MYO5A: variants seen among roughly 807,000 people sequenced by gnomAD.
MYO5A encodes unconventional myosin-Va.
A neutral mutation model predicts 249.7 loss-of-function variants in MYO5A; 98 were observed. That is an observed-to-expected ratio of 0.39 (90% confidence interval 0.33 to 0.46). The LOEUF (loss-of-function observed/expected upper bound fraction) is 0.46, where lower values mean the gene tolerates loss of function less well. Ranked by LOEUF, MYO5A falls within the 20% of genes least tolerant of loss-of-function variation. MYO5A has a pLI of 0.98. For synonymous variants in MYO5A, 778 were observed against 810.6 expected, an observed-to-expected ratio of 0.96 and a Z score of 0.68; for missense variants, 1,696 against 2,308.8, an observed-to-expected ratio of 0.73 and a Z score of 5.44.
chr15:52,343,071 A>T, intron 31 of MYO5A, 46 bp downstream of exon 31: 1 of 1,529,574 alleles, frequency 6.5e-7, no homozygotes, highest in Non-Finnish European at 9.1e-7. Context: ...GTTAGTAAGA[A>T]AAACAACAAA....
intron 34 of MYO5A, chr15:52,331,607 G>A: frequency 1.1e-6 from 1 of 903,012 alleles, no homozygotes; most frequent in Non-Finnish European, 1.3e-6. Context: ...CGAGGTGTCA[G>A]TAGTGCTTCT....
At chr15:52,430,463 C>T (rs2075503003) in intron 2 of MYO5A, among the ~76,000 whole-genome samples, 1 of 152,212 alleles carries the variant, frequency 6.6e-6, no homozygotes, top group Non-Finnish European at 1.5e-5. Context: ...ACATAAACTG[C>T]TCCTCTGGAA....
intron 1 of MYO5A, among the ~76,000 whole-genome samples, chr15:52,502,116 C>CTAAAGGTTTTA (rs1331569671): frequency 6.6e-6 from 1 of 152,068 alleles, no homozygotes; most frequent in East Asian, 1.9e-4. Flanking sequence ...AACCTCGTCT[C>CTAAAGGTTTTA]TACTAAAAAT....
chr15:52,418,253 G>A (rs1270017856), intron 4 of MYO5A, among the ~76,000 whole-genome samples: 2 of 152,176 alleles, frequency 1.3e-5, no homozygotes, highest in Admixed American at 1.3e-4. Context: ...TGGGTACTGG[G>A]TGCTTTGGAG....
chr15:52,351,736 T>C (rs2039964642), intron 27 of MYO5A, among the ~76,000 whole-genome samples: 1 of 152,246 alleles, frequency 6.6e-6, no homozygotes, highest in Non-Finnish European at 1.5e-5. Context: ...TATTCTGGCC[T>C]GCCCAGGGTG....
intron 1 of MYO5A, among the ~76,000 whole-genome samples, chr15:52,486,061 C>T (rs1382986368): frequency 6.6e-6 from 1 of 152,160 alleles, no homozygotes; most frequent in Non-Finnish European, 1.5e-5. Flanking sequence ...AAATCACATT[C>T]CTCTTCTATA....
At chr15:52,373,708 G>C (rs2041250811) in intron 20 of MYO5A, among the ~76,000 whole-genome samples, 1 of 152,112 alleles carries the variant, frequency 6.6e-6, no homozygotes, top group African/African-American at 2.4e-5. Flanking sequence ...TCAAAACCCA[G>C]CTCAGATGTT....
Position 52,416,293 on chromosome 15 carries a change from C to T in MYO5A, c.464G>A (p.Arg155Gln). 8.7e-6 allele frequency: 14 copies of T among 1,613,850 alleles called. No individual in the cohort carries two copies. The highest frequency in any genetic ancestry group is 1.1e-5 in the Non-Finnish European group (13 of 1,179,894). The stretch of plus-strand genomic sequence containing the variant: ...TCCACTTACGATGATGGACTGATTT[C>T]GTTCATCTCTGTAAAATAAAAATTT... ...EAYKQMARDE[R>Q]NQSIIVSGES... Residue 155 changes from arginine (R) to glutamine (Q), a missense_variant, in exon 5 of 42, where the codon CGA becomes CAA. By Grantham distance (43) the Arg-to-Gln change is conservative. Coordinates refer to ENST00000399233, the MANE Select transcript of MYO5A (RefSeq NM_001382347.1).
intron 16 of MYO5A, among the ~76,000 whole-genome samples, chr15:52,381,395 G>A (rs764120040): frequency 1.3e-5 from 2 of 152,134 alleles, no homozygotes; most frequent in Non-Finnish European, 2.9e-5. Context: ...CTGGCACGGG[G>A]GTAGGGAAAA....
intron 1 of MYO5A, among the ~76,000 whole-genome samples, chr15:52,441,893 T>A (rs1486611465): frequency 1.3e-5 from 2 of 152,340 alleles, no homozygotes; most frequent in East Asian, 3.9e-4. Flanking sequence ...AAAACTTTTG[T>A]TATATGAGTG....
At chr15:52,510,271 T>C (rs1471599399) in intron 1 of MYO5A, among the ~76,000 whole-genome samples, 1 of 152,218 alleles carries the variant, frequency 6.6e-6, no homozygotes, top group African/African-American at 2.4e-5. Context: ...AATAAACTAC[T>C]CCATCTATTT....
intron 24 of MYO5A, among the ~76,000 whole-genome samples, chr15:52,362,455 T>C (rs772243460): frequency 2.0e-4 from 30 of 152,238 alleles, no homozygotes; most frequent in Non-Finnish European, 2.4e-4. Context: ...AAGATCAAGT[T>C]TTTTATTCTC....
chr15:52,471,287 T>C (rs2076461558), intron 1 of MYO5A, among the ~76,000 whole-genome samples: 1 of 151,858 alleles, frequency 6.6e-6, no homozygotes, highest in African/African-American at 2.4e-5. Context: ...TTTTCCAGAA[T>C]AGGGCACTTT....
At chr15:52,433,999 C>CTTTTTT (rs398043307) in intron 1 of MYO5A, among the ~76,000 whole-genome samples, 63 of 127,248 alleles carry the variant, frequency 5.0e-4, no homozygotes, top group Admixed American at 5.7e-4. Context: ...CTTTCTTTTT[C>CTTTTTT]TTTTTTTTTT....
At chr15:52,455,280 A>C (rs1183592017) in intron 1 of MYO5A, among the ~76,000 whole-genome samples, 1 of 152,114 alleles carries the variant, frequency 6.6e-6, no homozygotes, top group African/African-American at 2.4e-5. Flanking sequence ...TGAAAACCTG[A>C]ACTAATAATG....
In MYO5A at chr15:52,473,709, G is replaced by T. The variant is rs545918566; in HGVS notation, c.28-40424C>A. The stretch of plus-strand genomic sequence containing the variant: ...TGTCAAAGATCAGATAGTTGTAGAT[G>T]TGTATTATTTCTGAGGGCTCTATTC... On this transcript the variant is annotated intron_variant, in intron 1 of 41. Transcript: ENST00000399233. Among the ~76,000 whole-genome samples, 48 of 151,456 alleles carry T rather than the reference G, an allele frequency of 3.2e-4. 1 individual carries two copies. Among genetic ancestry groups the T allele is most frequent in the Non-Finnish European group, 6.4e-4 (43 of 67,512 alleles).
At chr15:52,462,780 G>A (rs1479049678) in intron 1 of MYO5A, among the ~76,000 whole-genome samples, 2 of 151,784 alleles carry the variant, frequency 1.3e-5, no homozygotes, top group African/African-American at 4.8e-5. Flanking sequence ...CCCTGGAGGT[G>A]GAGGTTGCTG....
chr15:52,446,048 C>A (rs549821142), intron 1 of MYO5A, among the ~76,000 whole-genome samples: 2 of 152,352 alleles, frequency 1.3e-5, no homozygotes, highest in East Asian at 3.9e-4. Context: ...GAGCAGCAAC[C>A]ATTTGCTAGA....
intron 1 of MYO5A, among the ~76,000 whole-genome samples, chr15:52,516,672 T>C (rs2077502640): frequency 6.6e-6 from 1 of 152,226 alleles, no homozygotes; most frequent in South Asian, 2.1e-4. Flanking sequence ...TCCTTTAGCA[T>C]TGGGCATATT....
Sources: gnomAD v4.1 joint callset for allele counts (sites outside exome capture counted in the v4.1 genomes callset) on GRCh38, gnomAD v4.1.1 for gene constraint, MANE v1.5 for transcripts, NCBI Gene and HGNC (gene_info 2026-07-23, HGNC 2026-07-21) for gene names.